The following PDXDC1 variants were observed in gnomAD, a reference collection of about 807,000 sequenced individuals.
PDXDC1 encodes the protein pyridoxal-dependent decarboxylase domain-containing protein 1.
In PDXDC1, 42 loss-of-function variants were observed where a neutral mutation model predicts 100.1. That is an observed-to-expected ratio of 0.42 (90% confidence interval 0.33 to 0.54). The LOEUF (loss-of-function observed/expected upper bound fraction) is 0.54, where lower values mean the gene tolerates loss of function less well. PDXDC1 is among the 20% of genes least tolerant of loss of function. PDXDC1 has a pLI of 0.10. For synonymous variants in PDXDC1, 260 were observed against 371.7 expected (o/e 0.70, Z 3.46); for missense variants, 636 against 979.2 (o/e 0.65, Z 4.68).
At chr16:15,054,664 TCA>T (rs769588752) in intron 16 of PDXDC1, among the ~76,000 whole-genome samples, 2 of 152,178 alleles carry the variant, frequency 1.3e-5, no homozygotes, top group Admixed American at 1.3e-4. Flanking sequence ...TAAGTCCTTG[TCA>T]CCCTTCAGAA....
At chr16:15,042,185 CTT>C (rs34790085), downstream of PDXDC1, among the ~76,000 whole-genome samples, 37,310 of 134,866 alleles carry the variant, frequency 0.28, 4,530 homozygotes, top group Admixed American at 0.4. Flanking sequence ...AATTTTATAT[CTT>C]TTTTTTTTTT....
intron 16 of PDXDC1, chr16:15,127,926 G>A (rs1002294288): frequency 1.4e-6 from 2 of 1,391,104 alleles, no homozygotes; most frequent in Non-Finnish European, 2.0e-6. Context: ...CGCACTGCAG[G>A]AGGCCACGGG....
the PDXDC1 span, among the ~76,000 whole-genome samples, chr16:15,148,194 G>A: frequency 4.0e-5 from 6 of 149,714 alleles, no homozygotes; most frequent in Admixed American, 2.0e-4. Flanking sequence ...TCAAACTCCT[G>A]GCCTCAAGCC....
chr16:15,041,266 T>G (rs1484727853), downstream of PDXDC1: 2 of 673,498 alleles, frequency 3.0e-6, no homozygotes, highest in Non-Finnish European at 5.3e-6. Flanking sequence ...TGGCCCTGTT[T>G]CCCTACCCTG....
At chr16:15,130,291 G>T (rs545338608) in intron 16 of PDXDC1, 1 of 1,536,672 alleles carries the variant, frequency 6.5e-7, no homozygotes, top group Admixed American at 2.0e-5. Flanking sequence ...GCCTGGCGGG[G>T]CGAGGTCTCC....
chr16:14,989,303 C>T (rs1364641811), intron 1 of PDXDC1: 1 of 1,613,304 alleles, frequency 6.2e-7, no homozygotes, highest in Non-Finnish European at 8.5e-7. Flanking sequence ...GCACCACCCA[C>T]AGCACCGTCT....
intron 16 of PDXDC1, chr16:15,055,819 G>T: frequency 2.4e-6 from 2 of 820,648 alleles, no homozygotes; most frequent in Non-Finnish European, 3.3e-6. Context: ...TGTGTCGCGT[G>T]AGGGGGGCGC....
chr16:15,020,749 C>T (rs190923458), intron 12 of PDXDC1, among the ~76,000 whole-genome samples: 463 of 152,112 alleles, frequency 3.0e-3, no homozygotes, highest in African/African-American at 9.8e-3. Flanking sequence ...TTTGGGAGGC[C>T]GAGGCGGGTG....
rs1403183235 is a variant in PDXDC1, at chr16:15,137,406, C to T, written c.1400-1473C>T. ...CACCAGCCCTGCTCCGAGAGGGCTGCGAGGCCCTGGCCGGTGGAGAAGCAG... is the reference window on the plus strand; with the variant it reads ...CACCAGCCCTGCTCCGAGAGGGCTGTGAGGCCCTGGCCGGTGGAGAAGCAG... On this transcript the variant is annotated intron_variant, in intron 16 of 16. Transcript: ENST00000535621. 77 of 1,497,958 alleles carry T rather than the reference C, an allele frequency of 5.1e-5. No homozygotes were observed. The South Asian group carries it at 5.5e-4, about 11-fold the overall frequency. 92.8% of individuals were successfully genotyped at this position (1,497,958 alleles called of 1,614,324 possible).
At chr16:15,039,527 A>C (rs1382270578), downstream of PDXDC1, among the ~76,000 whole-genome samples, 1 of 152,188 alleles carries the variant, frequency 6.6e-6, no homozygotes, top group African/African-American at 2.4e-5. Flanking sequence ...TCAGACTTTA[A>C]ATTAATTTGA....
chr16:15,081,045 T>C (rs1255404138), intron 16 of PDXDC1, among the ~76,000 whole-genome samples: 2 of 152,220 alleles, frequency 1.3e-5, no homozygotes, highest in African/African-American at 2.4e-5. Flanking sequence ...GGTCCAATCA[T>C]GTTGTAACAT....
chr16:15,067,904 C>T (rs1199335137), intron 16 of PDXDC1, among the ~76,000 whole-genome samples: 1 of 151,838 alleles, frequency 6.6e-6, no homozygotes, highest in East Asian at 1.9e-4. Flanking sequence ...ACTACAGGCA[C>T]AGGCAACCAC....
At position 14,987,216 on chromosome 16, in the gene PDXDC1, G is replaced by A. The variant is rs573444418; in HGVS notation, c.22-10537G>A. 3.3e-5 allele frequency among the ~76,000 whole-genome samples: 5 copies of A among 152,412 alleles called. No individual in the cohort carries two copies. In the East Asian group the frequency reaches 9.6e-4, roughly 29 times the overall value. ...CTTCCCAGGTGAAAACATTAATCAA[G>A]CAAGGATAATCTTTAAAATTAAACC... On this transcript the variant is annotated intron_variant, in intron 1 of 22. Transcript: ENST00000396410.
Position 15,037,349 on chromosome 16 carries a change from C to G in PDXDC1, c.*1074C>G, listed in dbSNP as rs192531392. The G allele has an allele frequency of 6.6e-6, 1 of 152,144 alleles. No homozygotes were observed. Among genetic ancestry groups the G allele is most frequent in the African/African-American group, 2.4e-5 (1 of 41,416 alleles). 9.4% of individuals were successfully genotyped at this position (152,144 alleles called of 1,614,324 possible). On this transcript the variant is annotated 3_prime_UTR_variant, in exon 23 of 23. Transcript: ENST00000396410. ...TCCAGCAGTCAAGCTTTTGGGAGACCTGAAAATGGGAAAATTCACACTGGG... is the reference window on the plus strand; with the variant it reads ...TCCAGCAGTCAAGCTTTTGGGAGACGTGAAAATGGGAAAATTCACACTGGG...
chr16:15,048,232 G>C, intron 16 of PDXDC1: 4 of 627,434 alleles, frequency 6.4e-6, no homozygotes, highest in Non-Finnish European at 8.4e-6. Context: ...AGTGGACAGA[G>C]AGGCTCAAAG....
intron 14 of PDXDC1, among the ~76,000 whole-genome samples, chr16:15,027,165 C>T (rs2042671465): frequency 1.3e-5 from 2 of 152,300 alleles, no homozygotes; most frequent in Admixed American, 1.3e-4. Flanking sequence ...AGACCATTCT[C>T]CACCTGGCAG....
intron 16 of PDXDC1, chr16:15,076,499 T>A (rs1425789431): frequency 5.4e-6 from 6 of 1,117,400 alleles, no homozygotes; most frequent in Non-Finnish European, 8.3e-6. Flanking sequence ...TGAGCAGCAC[T>A]AGCTGTTTCC....
intron 1 of PDXDC1, among the ~76,000 whole-genome samples, chr16:14,976,306 G>A (rs1239362068): frequency 6.6e-6 from 1 of 152,280 alleles, no homozygotes; most frequent in Non-Finnish European, 1.5e-5. Flanking sequence ...TTTTGAGCTG[G>A]TAGGAATAAT....
chr16:15,044,367 G>C, intron 16 of PDXDC1: 1 of 1,613,246 alleles, frequency 6.2e-7, no homozygotes, highest in Non-Finnish European at 8.5e-7. Context: ...TGTGACAACT[G>C]CCTGTCGTCA....
Sources: allele counts gnomAD v4.1 joint callset (sites outside exome capture counted in the v4.1 genomes callset), GRCh38; gene constraint gnomAD v4.1.1; transcripts MANE v1.5; gene names NCBI Gene and HGNC (gene_info 2026-07-23, HGNC 2026-07-21).